PRDM8: variants seen among roughly 807,000 people sequenced by gnomAD.
PRDM8 encodes PR/SET domain 8.
In PRDM8, 13 loss-of-function variants were observed where a neutral mutation model predicts 46.5. That is an observed-to-expected ratio of 0.28 (90% CI 0.18 to 0.44). The LOEUF (loss-of-function observed/expected upper bound fraction) is 0.44. Ranked by LOEUF, PRDM8 falls within the 20% of genes least tolerant of loss-of-function variation. The probability of loss-of-function intolerance (pLI) is 1.00; values close to 1 mark genes in which losing one functional copy is unlikely to be tolerated. For synonymous variants in PRDM8, 473 were observed against 438.4 expected (o/e 1.08, Z -0.98); for missense variants, 998 against 955.0 (o/e 1.04, Z -0.59).
upstream of PRDM8, among the ~76,000 whole-genome samples, chr4:80,193,432 G>T (rs1406602002): frequency 6.6e-6 from 1 of 151,986 alleles, no homozygotes; most frequent in African/African-American, 2.4e-5. Context: ...AACCCCTCTG[G>T]GTCTTTTTAA....
intron 1 of PRDM8, among the ~76,000 whole-genome samples, chr4:80,191,250 G>C (rs927263475): frequency 7.9e-5 from 12 of 152,292 alleles, no homozygotes; most frequent in Middle Eastern, 3.4e-3. Context: ...TATATGCATA[G>C]AGGACAATTT....
intron 1 of PRDM8, among the ~76,000 whole-genome samples, chr4:80,188,323 G>A (rs1737278201): frequency 6.6e-6 from 1 of 152,082 alleles, no homozygotes; most frequent in Non-Finnish European, 1.5e-5. Flanking sequence ...TAATTCTTAT[G>A]CTGACCCTTT....
At chr4:80,194,528 C>A (rs895365364), upstream of PRDM8, among the ~76,000 whole-genome samples, 1 of 152,168 alleles carries the variant, frequency 6.6e-6, no homozygotes, top group African/African-American at 2.4e-5. Flanking sequence ...TGTAGATTTT[C>A]TTTATCCCCT....
intron 1 of PRDM8, chr4:80,189,935 C>T (rs1413931197): frequency 6.6e-6 from 1 of 152,236 alleles, no homozygotes; most frequent in Non-Finnish European, 1.5e-5. Context: ...CTAGCCCTGG[C>T]TCTTGGAAGT....
intron 1 of PRDM8, among the ~76,000 whole-genome samples, chr4:80,189,148 T>A (rs1578241543): frequency 6.6e-6 from 1 of 152,208 alleles, no homozygotes; most frequent in East Asian, 1.9e-4. Flanking sequence ...GTCCCCAGGT[T>A]TCTCTGCCCA....
At chr4:80,195,144 A>G (rs1277238318), upstream of PRDM8, among the ~76,000 whole-genome samples, 1 of 152,144 alleles carries the variant, frequency 6.6e-6, no homozygotes, top group East Asian at 1.9e-4. Context: ...TAAAATTCCA[A>G]TTCTCTAAAT....
chr4:80,203,217 C>G lies in PRDM8; in HGVS notation c.1755C>G (p.Ser585Arg). 6.4e-7 allele frequency: 1 copy of G among 1,552,882 alleles called. No individual in the cohort carries two copies. Among genetic ancestry groups the G allele is most frequent in the Non-Finnish European group, 8.7e-7 (1 of 1,150,730 alleles). ...ACGCCACCGCCTTCTGGCCCAAGAG[C>G]TCCGCTGCCGCTGCAGCCGCGGCTG... ...FLYATAFWPKSSAAAAAAAAA... is the reference protein window; with the variant it reads ...FLYATAFWPKRSAAAAAAAAA... The change falls in exon 4 of 4, where the codon AGC (serine) becomes AGG (arginine). Residue 585 changes from serine to arginine, a missense_variant. Ser to Arg is a moderately radical substitution (Grantham distance 110). Transcript: ENST00000415738.
upstream of PRDM8, among the ~76,000 whole-genome samples, chr4:80,194,525 T>G (rs1156687231): frequency 6.6e-6 from 1 of 152,222 alleles, no homozygotes; most frequent in Non-Finnish European, 1.5e-5. Context: ...ATTTGTAGAT[T>G]TTCTTTATCC....
At chr4:80,190,899 A>C (rs1737493073) in intron 1 of PRDM8, among the ~76,000 whole-genome samples, 1 of 152,252 alleles carries the variant, frequency 6.6e-6, no homozygotes, top group South Asian at 2.1e-4. Context: ...AACCCCACTT[A>C]TCTGGAACAT....
chr4:80,191,542 T>G (rs746824201), exon 2 of PRDM8: 1 of 152,216 alleles, frequency 6.6e-6, no homozygotes, highest in Non-Finnish European at 1.5e-5. Context: ...GTTACAATCC[T>G]TGCCTATTCT....
chr4:80,200,640 T>C (rs1220708018), intron 2 of PRDM8, among the ~76,000 whole-genome samples: 2 of 152,260 alleles, frequency 1.3e-5, no homozygotes, highest in Non-Finnish European at 2.9e-5. Flanking sequence ...TTTCTGCAAG[T>C]TCTTTGACAA....
rs567447576 is a variant in PRDM8, at chr4:80,202,299, A to T, written c.837A>T (p.Pro279=). 1.2e-6 allele frequency: 2 copies of T among 1,610,110 alleles called. No individual in the cohort carries two copies. Among genetic ancestry groups the T allele is most frequent in the Non-Finnish European group, 1.7e-6 (2 of 1,179,008 alleles). ...ENSRGGSSCS[P]AQSLSSGSGS... ...CCCGGGGAGGCAGCAGCTGCTCCCC[A>T]GCCCAGAGCCTCAGCAGCGGTAGCG... Residue 279 remains proline (P), a synonymous_variant, in exon 4 of 4, where the codon CCA becomes CCT. Coordinates refer to ENST00000415738, the MANE Select transcript of PRDM8 (RefSeq NM_001099403.2).
rs1429068660 is a variant in PRDM8 at position 80,197,903 on chromosome 4, A to AT, written c.-3+141dup. The AT allele has an allele frequency of 1.1e-5, 9 of 809,730 alleles. No individual in the cohort carries two copies. In the African/African-American group the frequency reaches 1.7e-4, roughly 15 times the overall value. The allele number at this position is 809,730 out of a possible 1,614,324, so 50.2% of individuals were successfully genotyped here. ...CTTGAGGGGCTGTCTACTGCCAGTA[A>AT]TATTGTACAAAAGGAGGAGCGGGTG... On this transcript the variant is annotated intron_variant, in intron 1 of 3. Transcript: ENST00000415738.
chr4:80,186,286 C>CTTTT (rs3834215), intron 1 of PRDM8, among the ~76,000 whole-genome samples: 11,315 of 150,296 alleles, frequency 0.075, 987 homozygotes, highest in African/African-American at 0.21. Context: ...TATTAGGAGC[C>CTTTT]TTTTTTTTTC....
rs139810168 is a variant in PRDM8, at chr4:80,201,315, C to T, written c.245C>T (p.Ser82Phe). 9.9e-6 allele frequency: 16 copies of T among 1,614,096 alleles called. No homozygotes were observed. The highest frequency in any genetic ancestry group is 1.7e-6 in the Non-Finnish European group (2 of 1,180,048). The change falls in exon 3 of 4, where the codon TCC (serine) becomes TTC (phenylalanine). Residue 82 changes from serine (S) to phenylalanine (F), a missense_variant. Physicochemically the swap from Ser to Phe is radical, Grantham distance 155 (BLOSUM62 -2). Coordinates refer to ENST00000415738, the MANE Select transcript of PRDM8 (RefSeq NM_001099403.2). Reference protein sequence around the residue: ...FRVDTSAANGSSEGLMWLRLV... With the variant: ...FRVDTSAANGFSEGLMWLRLV... ...GTAGACACCTCAGCAGCAAATGGTT[C>T]CTCAGAAGGTCTCATGTGGCTGCGG... is the stretch of plus-strand genomic sequence containing the variant.
Position 80,202,270 on chromosome 4 carries a change from A to G in PRDM8, c.808A>G (p.Asn270Asp). The G allele has an allele frequency of 6.2e-7, 1 of 1,609,208 alleles. No homozygotes were observed. The highest frequency in any genetic ancestry group is 1.1e-5 in the South Asian group (1 of 90,920). ...CCACAACCTGGCCAGGGAGCTGGAAAACTCCCGGGGAGGCAGCAGCTGCTC... is the reference window on the plus strand; with the variant it reads ...CCACAACCTGGCCAGGGAGCTGGAAGACTCCCGGGGAGGCAGCAGCTGCTC... ...DFHNLARELE[N>D]SRGGSSCSPA... The change falls in exon 4 of 4, where the codon AAC becomes GAC. Residue 270 changes from asparagine to aspartate, a missense_variant. Transcript: ENST00000415738.
In PRDM8 at chr4:80,200,078, G is replaced by T. The variant is rs1307841160; in HGVS notation, c.-2-1G>T. 5.0e-6 allele frequency: 8 copies of T among 1,610,658 alleles called. No individual in the cohort carries two copies. Among genetic ancestry groups the T allele is most frequent in the Non-Finnish European group, 6.8e-6 (8 of 1,177,264 alleles). ...TTCTTGTGCTGTGTGTCTATCTCCAGTGATGGAGGATACTGGCATCCAGCG... is the reference window on the plus strand; with the variant it reads ...TTCTTGTGCTGTGTGTCTATCTCCATTGATGGAGGATACTGGCATCCAGCG... On this transcript the variant is annotated splice_acceptor_variant, in intron 1 of 3. Coordinates refer to ENST00000415738, the MANE Select transcript of PRDM8 (RefSeq NM_001099403.2). LOFTEE classifies it low-confidence loss of function (5UTR_SPLICE).
Position 80,200,885 on chromosome 4 carries a change from T to C in PRDM8, c.220-405T>C, listed in dbSNP as rs1206777890. On this transcript the variant is annotated intron_variant, in intron 2 of 3. Coordinates refer to ENST00000415738, the MANE Select transcript of PRDM8 (RefSeq NM_001099403.2). ...GTTCTAGCCAAGATTAGGAACATGA[T>C]TGCCATAGCATAATTTCTAAGATCT... Among the ~76,000 whole-genome samples the C allele has an allele frequency of 2.6e-5, 4 of 152,218 alleles. No individual in the cohort carries two copies. The East Asian group carries it at 7.7e-4, about 29-fold the overall frequency.
At chr4:80,185,834 T>G (rs1455317559) in intron 1 of PRDM8, among the ~76,000 whole-genome samples, 1 of 152,232 alleles carries the variant, frequency 6.6e-6, no homozygotes, top group African/African-American at 2.4e-5. Context: ...CTCATAATCG[T>G]AATTTGCGTC....
Sources: allele counts gnomAD v4.1 joint callset (sites outside exome capture counted in the v4.1 genomes callset), GRCh38; gene constraint gnomAD v4.1.1; transcripts MANE v1.5; gene names NCBI Gene and HGNC (gene_info 2026-07-23, HGNC 2026-07-21).